SUPT3H: variants seen among roughly 807,000 people sequenced by gnomAD.
SUPT3H encodes transcription initiation protein SPT3 homolog.
A neutral mutation model predicts 44.3 loss-of-function variants in SUPT3H; 44 were observed. The observed-to-expected ratio is 0.99, with a 90% CI of 0.78 to 1.28. SUPT3H has a LOEUF of 1.28. SUPT3H is among the 50% of genes most tolerant of loss of function. The pLI is 0.00. For missense variants in SUPT3H, 380 were observed against 387.1 expected, an observed-to-expected ratio of 0.98 and a Z score of 0.15; for synonymous variants, 124 against 125.6, an observed-to-expected ratio of 0.99 and a Z score of 0.09.
intron 2 of SUPT3H, among the ~76,000 whole-genome samples, chr6:45,195,621 T>G (rs1048466867): frequency 3.9e-5 from 6 of 152,170 alleles, no homozygotes; most frequent in African/African-American, 1.4e-4. Flanking sequence ...GATTGTGATA[T>G]GATCGATTTG....
At chr6:44,879,511 T>C (rs1254220082) in intron 10 of SUPT3H, among the ~76,000 whole-genome samples, 1 of 152,194 alleles carries the variant, frequency 6.6e-6, no homozygotes, top group African/African-American at 2.4e-5. Flanking sequence ...TCAGCAGACA[T>C]AAATATTCCT....
intron 2 of SUPT3H, among the ~76,000 whole-genome samples, chr6:45,334,538 T>C (rs1788166356): frequency 6.6e-6 from 1 of 150,508 alleles, no homozygotes. Flanking sequence ...ATATATGCAG[T>C]CTTTCTTTAG....
chr6:45,191,619 G>C (rs1182416188), intron 2 of SUPT3H, among the ~76,000 whole-genome samples: 2 of 151,962 alleles, frequency 1.3e-5, no homozygotes, highest in African/African-American at 4.8e-5. Context: ...CTGTAGGGAG[G>C]GTGGCAGGTA....
intron 2 of SUPT3H, among the ~76,000 whole-genome samples, chr6:45,194,811 A>T (rs1815741379): frequency 6.6e-6 from 1 of 152,162 alleles, no homozygotes; most frequent in African/African-American, 2.4e-5. Context: ...TACAATTTAA[A>T]CCCAATCTCA....
At chr6:44,982,676 A>G (rs1779262848) in intron 6 of SUPT3H, among the ~76,000 whole-genome samples, 1 of 132,026 alleles carries the variant, frequency 7.6e-6, no homozygotes. Flanking sequence ...TTAGTCTCCT[A>G]TCTCTCCTCT....
chr6:45,286,205 A>G (rs1378363615), intron 2 of SUPT3H, among the ~76,000 whole-genome samples: 1 of 151,944 alleles, frequency 6.6e-6, no homozygotes, highest in East Asian at 1.9e-4. Flanking sequence ...TCATGTCTAA[A>G]ACACCAAAAG....
chr6:45,046,583 G>A (rs368226779), intron 3 of SUPT3H, among the ~76,000 whole-genome samples: 3 of 152,062 alleles, frequency 2.0e-5, no homozygotes, highest in Admixed American at 1.3e-4. Flanking sequence ...CACCCACCTC[G>A]GCCTCCTAAA....
chr6:45,324,253 C>G (rs930628939), intron 2 of SUPT3H, among the ~76,000 whole-genome samples: 2 of 151,744 alleles, frequency 1.3e-5, no homozygotes, highest in Non-Finnish European at 2.9e-5. Flanking sequence ...AAAAGTAATC[C>G]TCATAATTAA....
chr6:45,036,780 T>C (rs185967189), intron 3 of SUPT3H, among the ~76,000 whole-genome samples: 1 of 152,228 alleles, frequency 6.6e-6, no homozygotes, highest in East Asian at 1.9e-4. Flanking sequence ...AGAGGATGTG[T>C]TCCAGCAAAA....
chr6:45,204,249 A>AG (rs1467422755), intron 2 of SUPT3H, among the ~76,000 whole-genome samples: 68 of 121,878 alleles, frequency 5.6e-4, no homozygotes, highest in Admixed American at 1.8e-3. Context: ...TCCGTCTCAA[A>AG]AAAGAAGAAG....
rs1313463805 is a variant in SUPT3H, at chr6:45,172,600, T to A, written c.102-66594A>T. 1.5e-3 allele frequency among the ~76,000 whole-genome samples: 234 copies of A among 151,660 alleles called. 3 individuals carry two copies. Among genetic ancestry groups the A allele is most frequent in the East Asian group, 0.012 (60 of 5,142 alleles). ...ATCCTTAAAGATAGATATATTTTTT[T>A]TTTTTTTTTTGAAATGGAGTCTGCT... On this transcript the variant is annotated intron_variant, in intron 2 of 10. Coordinates refer to ENST00000371459, the MANE Select transcript of SUPT3H (RefSeq NM_003599.4).
intron 9 of SUPT3H, among the ~76,000 whole-genome samples, chr6:44,936,181 G>A (rs558922124): frequency 7.6e-4 from 116 of 152,260 alleles, no homozygotes; most frequent in African/African-American, 2.6e-3. Flanking sequence ...TACACACATA[G>A]CTCCTCCAAA....
rs527786217 is a variant in SUPT3H, at chr6:45,056,256, A to G, written c.187-35624T>C. 1.2e-3 allele frequency among the ~76,000 whole-genome samples: 184 copies of G among 152,336 alleles called. 1 individual carries two copies. Among genetic ancestry groups the G allele is most frequent in the African/African-American group, 4.1e-3 (169 of 41,584 alleles). On this transcript the variant is annotated intron_variant, in intron 3 of 10. Coordinates refer to ENST00000371459, the MANE Select transcript of SUPT3H (RefSeq NM_003599.4). ...TGGGAATGTAAACTGTACAACCACT[A>G]TGGAAAACAGTGTGGAGATTCCTTA...
At chr6:44,890,833 T>C (rs1177098204) in intron 10 of SUPT3H, among the ~76,000 whole-genome samples, 1 of 151,926 alleles carries the variant, frequency 6.6e-6, no homozygotes, top group African/African-American at 2.4e-5. Context: ...GATGAGTTCA[T>C]GTCCTTTGCA....
intron 2 of SUPT3H, among the ~76,000 whole-genome samples, chr6:45,344,114 G>C (rs990932461): frequency 6.6e-6 from 1 of 152,130 alleles, no homozygotes; most frequent in Non-Finnish European, 1.5e-5. Flanking sequence ...CTTTTATTCG[G>C]AGAGATAAAA....
At chr6:45,213,835 T>C (rs1764536704) in intron 2 of SUPT3H, among the ~76,000 whole-genome samples, 1 of 151,974 alleles carries the variant, frequency 6.6e-6, no homozygotes, top group African/African-American at 2.4e-5. Flanking sequence ...CAAATCTCTA[T>C]CATTTTAAAC....
intron 4 of SUPT3H, among the ~76,000 whole-genome samples, chr6:45,018,115 A>T (rs1784575898): frequency 6.6e-6 from 1 of 151,622 alleles, no homozygotes; most frequent in Admixed American, 6.6e-5. Flanking sequence ...GCAATTGTGA[A>T]TGGGAGTTCA....
chr6:45,221,876 A>G (rs576707283), intron 2 of SUPT3H, among the ~76,000 whole-genome samples: 279 of 152,290 alleles, frequency 1.8e-3, no homozygotes, highest in African/African-American at 6.5e-3. Context: ...TTAATATTAA[A>G]GTCTACATAT....
chr6:44,889,766 T>C (rs1211600335), intron 10 of SUPT3H, among the ~76,000 whole-genome samples: 2 of 152,028 alleles, frequency 1.3e-5, no homozygotes, highest in East Asian at 3.9e-4. Flanking sequence ...ACAAATGGGA[T>C]CTAATTAAAC....
Sources: gnomAD v4.1 joint callset for allele counts (sites outside exome capture counted in the v4.1 genomes callset) on GRCh38, gnomAD v4.1.1 for gene constraint, MANE v1.5 for transcripts, NCBI Gene and HGNC (gene_info 2026-07-23, HGNC 2026-07-21) for gene names.